The following HPF1 variants were observed in gnomAD, a reference collection of about 807,000 sequenced individuals.
The protein encoded by HPF1 is UPF0609 protein C4orf27.
Under a neutral mutation model 38.8 loss-of-function variants are expected in HPF1, and 35 were observed. The ratio of observed to expected loss-of-function variants is 0.90; its 90% CI spans 0.69 to 1.19. The LOEUF (loss-of-function observed/expected upper bound fraction) is 1.19, where lower values mean the gene tolerates loss of function less well. HPF1 is among the 50% of genes most tolerant of loss of function. The probability of loss-of-function intolerance (pLI) is 0.00; values close to 1 mark genes in which losing one functional copy is unlikely to be tolerated. For synonymous variants in HPF1, 115 were observed against 139.2 expected (o/e 0.83, Z 1.22); for missense variants, 367 against 405.8 (o/e 0.90, Z 0.82).
In HPF1 at chr4:169,742,058, T is replaced by G. The variant is rs776532498; in HGVS notation, c.547A>C (p.Asn183His). 2.5e-6 allele frequency: 4 copies of G among 1,610,524 alleles called. No homozygotes were observed. The highest frequency in any genetic ancestry group is 3.4e-6 in the Non-Finnish European group (4 of 1,176,898). ...TTTTCATCTATGTTTTTCAAGAGAT[T>G]GATTTTCTTTTTATCCGTTATTTCT... ...LREITDKKKI[N>H]LLKNIDEKLT... Residue 183 changes from asparagine (N) to histidine (H), a missense_variant, in exon 5 of 8, where the codon AAT becomes CAT. Coordinates refer to ENST00000393381, the MANE Select transcript of HPF1 (RefSeq NM_017867.3).
Position 169,757,748 on chromosome 4 carries a change from A to T in HPF1, c.48+82T>A, listed in dbSNP as rs868020240. The T allele has an allele frequency of 1.1e-4, 137 of 1,273,182 alleles. 3 individuals are homozygous for T. In the Middle Eastern group the frequency reaches 3.5e-3, roughly 32 times the overall value. 78.9% of individuals were successfully genotyped at this position (1,273,182 alleles called of 1,614,324 possible). A position where few individuals can be genotyped will look rare whatever the true frequency, so the allele number is the denominator to read the frequency against. ...ACACAGCAAGCTTAATAGTCACTGG[A>T]TGAATGAAAAGCGCTGCCTCCTGGT... On this transcript the variant is annotated intron_variant, in intron 1 of 7. Coordinates refer to ENST00000393381, the MANE Select transcript of HPF1 (RefSeq NM_017867.3).
In HPF1 at chr4:169,755,600, T is replaced by C. The variant is rs1393017814; in HGVS notation, c.49-1765A>G. Among the ~76,000 whole-genome samples, 4 of 152,240 alleles carry C rather than the reference T, an allele frequency of 2.6e-5. No individual in the cohort carries two copies. In the East Asian group the frequency reaches 7.7e-4, roughly 29 times the overall value. The stretch of plus-strand genomic sequence containing the variant: ...GGTCCTGGAACCAATCTCCGTCATT[T>C]ACCGAATGGTTACTCTATGGCTACA... On this transcript the variant is annotated intron_variant, in intron 1 of 7. Transcript: ENST00000393381.
intron 4 of HPF1, among the ~76,000 whole-genome samples, chr4:169,748,327 A>G (rs1207868138): frequency 6.6e-6 from 1 of 152,126 alleles, no homozygotes; most frequent in Non-Finnish European, 1.5e-5. Context: ...AAAGTCATGG[A>G]AATTATCTCT....
At chr4:169,754,923 T>TTTA (rs1253551478) in intron 1 of HPF1, among the ~76,000 whole-genome samples, 1 of 151,822 alleles carries the variant, frequency 6.6e-6, no homozygotes, top group Non-Finnish European at 1.5e-5. Flanking sequence ...ATTTTTTTAT[T>TTTA]TTATTATTAT....
In HPF1 at chr4:169,744,690, A is replaced by G. The variant is rs572023879; in HGVS notation, c.498-2583T>C. 2.0e-5 allele frequency among the ~76,000 whole-genome samples: 3 copies of G among 152,346 alleles called. No homozygotes were observed. In the East Asian group the frequency reaches 5.8e-4, roughly 29 times the overall value. On this transcript the variant is annotated intron_variant, in intron 4 of 7. Coordinates refer to ENST00000393381, the MANE Select transcript of HPF1 (RefSeq NM_017867.3). ...TCACAGTGGTATTACAAGTTTCTCA[A>G]TCTAATTTTTATTTGAAACCCTGAA...
chr4:169,738,366 C>T (rs1733924416), intron 5 of HPF1, among the ~76,000 whole-genome samples: 1 of 152,172 alleles, frequency 6.6e-6, no homozygotes, highest in Non-Finnish European at 1.5e-5. Context: ...CAACTACCAC[C>T]ATAACCCTTC....
At chr4:169,757,327 CTTCT>C (rs1355624144) in intron 1 of HPF1, among the ~76,000 whole-genome samples, 1 of 152,202 alleles carries the variant, frequency 6.6e-6, no homozygotes, top group East Asian at 1.9e-4. Context: ...TCTTAAAAGT[CTTCT>C]TTAACACCCC....
intron 6 of HPF1, among the ~76,000 whole-genome samples, chr4:169,736,704 C>T (rs908766493): frequency 1.4e-4 from 21 of 152,162 alleles, no homozygotes; most frequent in Non-Finnish European, 5.9e-5. Flanking sequence ...CAAATACGTG[C>T]ATTGGGCAGG....
chr4:169,748,683 C>T (rs563269509), intron 4 of HPF1, 61 bp downstream of exon 4: 1 of 811,640 alleles, frequency 1.2e-6, no homozygotes, highest in South Asian at 1.9e-5. Flanking sequence ...CTCAAACCCC[C>T]TTTGTAATGG....
Position 169,737,653 on chromosome 4 carries a change from A to T in HPF1, c.736+7T>A, listed in dbSNP as rs761602841. On this transcript the variant is annotated splice_region_variant and intron_variant, in intron 6 of 7. Coordinates refer to ENST00000393381, the MANE Select transcript of HPF1 (RefSeq NM_017867.3). ...TATATGCACATGTTTACTATGAAAT[A>T]CATTACCATCTGTTTCAGGGAGCTC... The T allele has an allele frequency of 1.9e-5, 29 of 1,535,946 alleles. No individual in the cohort carries two copies. Among genetic ancestry groups the T allele is most frequent in the Non-Finnish European group, 5.4e-6 (6 of 1,108,978 alleles).
chr4:169,754,102 A>G (rs1269167483), intron 1 of HPF1, among the ~76,000 whole-genome samples: 1 of 152,238 alleles, frequency 6.6e-6, no homozygotes, highest in African/African-American at 2.4e-5. Context: ...AAGGTAAAAA[A>G]AAGAAATAAT....
rs1205324201 is a variant in HPF1, at chr4:169,729,505, TAAAAAC to T, written c.*67_*72del. ...GTAAATGTTTATTTTTTGTATTCCT[TAAAAAC>T]AAAACAAAAATCACAAGTTTAATAC... On this transcript the variant is annotated 3_prime_UTR_variant, in exon 8 of 8. Coordinates refer to ENST00000393381, the MANE Select transcript of HPF1 (RefSeq NM_017867.3). 6.5e-6 allele frequency: 8 copies of T among 1,239,182 alleles called. No homozygotes were observed. Among genetic ancestry groups the T allele is most frequent in the African/African-American group, 6.2e-5 (4 of 64,688 alleles). 76.8% of individuals were successfully genotyped at this position (1,239,182 alleles called of 1,614,324 possible).
At chr4:169,737,441 A>T (rs190642247) in intron 6 of HPF1, among the ~76,000 whole-genome samples, 1 of 152,330 alleles carries the variant, frequency 6.6e-6, no homozygotes, top group Admixed American at 6.5e-5. Flanking sequence ...GAAAAAGACA[A>T]GATTTCACAG....
Position 169,753,627 on chromosome 4 carries a change from A to G in HPF1, c.208+49T>C, listed in dbSNP as rs770401113. 1.5e-5 allele frequency: 22 copies of G among 1,515,328 alleles called. No individual in the cohort carries two copies. In the East Asian group the frequency reaches 4.3e-4, roughly 30 times the overall value. 93.9% of individuals were successfully genotyped at this position (1,515,328 alleles called of 1,614,324 possible). A position where few individuals can be genotyped will look rare whatever the true frequency, so the allele number is the denominator to read the frequency against. ...AGCCACCACACCCAGCTGGTTTCCT[A>G]TTACATTACTCTTTCCATTAATACA... On this transcript the variant is annotated intron_variant, in intron 2 of 7. Transcript: ENST00000393381.
intron 6 of HPF1, among the ~76,000 whole-genome samples, chr4:169,733,273 A>C (rs1436401248): frequency 6.6e-6 from 1 of 152,246 alleles, no homozygotes; most frequent in Non-Finnish European, 1.5e-5. Flanking sequence ...TTTGGCTTTC[A>C]AGATTTTTTT....
chr4:169,733,320 G>C (rs1169443094), intron 6 of HPF1, among the ~76,000 whole-genome samples: 4 of 152,160 alleles, frequency 2.6e-5, no homozygotes, highest in Middle Eastern at 3.4e-3. Context: ...CCGATTTCAG[G>C]ACGCAAATGA....
chr4:169,752,459 T>A (rs1734132031), intron 2 of HPF1, among the ~76,000 whole-genome samples: 1 of 152,164 alleles, frequency 6.6e-6, no homozygotes. Context: ...AGTTAAAAAA[T>A]TTAAATAGTA....
intron 4 of HPF1, among the ~76,000 whole-genome samples, chr4:169,743,538 A>C (rs1734007884): frequency 6.6e-6 from 1 of 151,798 alleles, no homozygotes; most frequent in South Asian, 2.1e-4. Context: ...ACAAAAGGAA[A>C]GCAAAGCTAC....
At chr4:169,755,353 A>G (rs1734175277) in intron 1 of HPF1, among the ~76,000 whole-genome samples, 1 of 152,172 alleles carries the variant, frequency 6.6e-6, no homozygotes, top group Admixed American at 6.5e-5. Context: ...CCAAATGCAA[A>G]TAAAAAAATA....
Sources: allele counts gnomAD v4.1 joint callset (sites outside exome capture counted in the v4.1 genomes callset), GRCh38; gene constraint gnomAD v4.1.1; transcripts MANE v1.5; gene names NCBI Gene and HGNC (gene_info 2026-07-23, HGNC 2026-07-21).